Variants in COPG1 observed in about 807,000 individuals in gnomAD.
The protein encoded by COPG1 is coat protein complex I subunit gamma 1.
A neutral mutation model predicts 102.8 loss-of-function variants in COPG1; 29 were observed. The observed-to-expected ratio is 0.28, with a 90% CI of 0.21 to 0.38. The LOEUF is 0.38. Among genes scored for constraint, COPG1 ranks in the 10% least tolerant of loss-of-function variants. The probability of loss-of-function intolerance (pLI) is 1.00; values close to 1 mark genes in which losing one functional copy is unlikely to be tolerated. For synonymous variants in COPG1, 406 were observed against 421.6 expected (o/e 0.96, Z 0.45); for missense variants, 875 against 1,132.7 (o/e 0.77, Z 3.27).
chr3:129,272,237 T>C lies in COPG1; in HGVS notation c.1987-7T>C, dbSNP rs758022773. The C allele has an allele frequency of 5.0e-5, 81 of 1,613,410 alleles. No homozygotes were observed. Among genetic ancestry groups the C allele is most frequent in the Non-Finnish European group, 6.7e-5 (79 of 1,179,460 alleles). Reference sequence around the variant, plus strand: ...AATGTTTAAGCTCCCCTCTCTTTCCTGTTCAGTTTGACTGCACAAACACAC... The same window carrying C: ...AATGTTTAAGCTCCCCTCTCTTTCCCGTTCAGTTTGACTGCACAAACACAC... On this transcript the variant is annotated splice_region_variant and splice_polypyrimidine_tract_variant and intron_variant, in intron 19 of 23. Coordinates refer to ENST00000314797, the MANE Select transcript of COPG1 (RefSeq NM_016128.4).
At chr3:129,273,725 A>G (rs1940221160) in intron 21 of COPG1, among the ~76,000 whole-genome samples, 1 of 152,194 alleles carries the variant, frequency 6.6e-6, no homozygotes, top group African/African-American at 2.4e-5. Flanking sequence ...TTATTTCTTT[A>G]GGATAGATTC....
chr3:129,253,480 A>G (rs1460517727), intron 5 of COPG1, among the ~76,000 whole-genome samples: 2 of 152,168 alleles, frequency 1.3e-5, no homozygotes, highest in Non-Finnish European at 2.9e-5. Flanking sequence ...CTCTGGGGAT[A>G]TAGCAACAAA....
intron 12 of COPG1, among the ~76,000 whole-genome samples, chr3:129,262,490 T>A (rs1939944691): frequency 6.6e-6 from 1 of 152,016 alleles, no homozygotes; most frequent in Non-Finnish European, 1.5e-5. Flanking sequence ...CCTGACCTCA[T>A]GATCAACCCG....
intron 23 of COPG1, among the ~76,000 whole-genome samples, chr3:129,277,043 C>T (rs1329104847): frequency 1.3e-5 from 2 of 151,848 alleles, no homozygotes; most frequent in African/African-American, 2.4e-5. Context: ...AGGCTGGTCT[C>T]GAATTCCTGA....
Position 129,277,424 on chromosome 3 carries a change from A to G in COPG1, c.2625A>G (p.Ter875=). ...PVDIILASVG[*] is the part of the protein sequence containing the mutation. The stretch of plus-strand genomic sequence containing the variant: ...ACATCATCTTGGCATCTGTGGGATA[A>G]GAGGCCAGCCTGCATAGGACCTCAT... The change falls in exon 24 of 24, where the codon TAA becomes TAG. Residue 875 remains the stop codon, a stop_retained_variant. Transcript: ENST00000314797. The G allele has an allele frequency of 6.2e-7, 1 of 1,613,668 alleles. No homozygotes were observed. The highest frequency in any genetic ancestry group is 8.5e-7 in the Non-Finnish European group (1 of 1,179,768).
At chr3:129,273,388 AAAAACAAAATTC>A (rs1940216120) in intron 21 of COPG1, among the ~76,000 whole-genome samples, 1 of 152,270 alleles carries the variant, frequency 6.6e-6, no homozygotes, top group South Asian at 2.1e-4. Flanking sequence ...TGGGAAATAC[AAAAACAAAATTC>A]AAAACAAAGT....
chr3:129,268,248 CATT>C (rs1469847248), intron 16 of COPG1, among the ~76,000 whole-genome samples: 1 of 152,166 alleles, frequency 6.6e-6, no homozygotes, highest in Non-Finnish European at 1.5e-5. Flanking sequence ...AAACGCTCAT[CATT>C]AATAAAAACT....
intron 19 of COPG1, 140 bp downstream of exon 19, chr3:129,272,049 T>C: frequency 9.1e-7 from 1 of 1,097,528 alleles, no homozygotes; most frequent in Non-Finnish European, 1.3e-6. Context: ...CCCCAACAGG[T>C]CGGTCTCTCA....
intron 10 of COPG1, 147 bp downstream of exon 10, chr3:129,258,007 C>A: frequency 2.0e-6 from 2 of 990,600 alleles, no homozygotes; most frequent in Non-Finnish European, 2.9e-6. Context: ...AGACACTATG[C>A]TGAGTCCCCA....
Position 129,277,583 on chromosome 3 carries a change from G to C in COPG1, c.*159G>C. The C allele has an allele frequency of 1.6e-6, 1 of 637,094 alleles. No homozygotes were observed. The highest frequency in any genetic ancestry group is 2.5e-6 in the Non-Finnish European group (1 of 395,624). 39.5% of individuals were successfully genotyped at this position (637,094 alleles called of 1,614,324 possible). On this transcript the variant is annotated 3_prime_UTR_variant, in exon 24 of 24. Transcript: ENST00000314797. ...TTTATTCTGCTCCCACCTCCCACCCGGGACTACTTGCTGGTGACTTTTTTT... is the reference window on the plus strand; with the variant it reads ...TTTATTCTGCTCCCACCTCCCACCCCGGACTACTTGCTGGTGACTTTTTTT...
At chr3:129,263,809 C>G (rs1000966859) in intron 12 of COPG1, 95 bp from the exon 13 acceptor site, 3 of 1,025,792 alleles carry the variant, frequency 2.9e-6, no homozygotes, top group Non-Finnish European at 4.6e-6. Context: ...CAAGGCCTGG[C>G]CTTACCTAAG....
chr3:129,277,306 G>A lies in COPG1; in HGVS notation c.2507G>A (p.Gly836Asp). Residue 836 changes from glycine (G) to aspartate (D), a missense_variant, in exon 24 of 24, where the codon GGT (glycine) becomes GAT (aspartate). Physicochemically the swap from Gly to Asp is moderately conservative, Grantham distance 94 (BLOSUM62 -1). Coordinates refer to ENST00000314797, the MANE Select transcript of COPG1 (RefSeq NM_016128.4). ...TCTTCCCTTCTAGGTGTGTTCCGGG[G>A]TGGTCATGACATCCTGGTGCGCTCC... is the stretch of plus-strand genomic sequence containing the variant. ...HTLLLAGVFR[G>D]GHDILVRSRL... 1.2e-6 allele frequency: 2 copies of A among 1,613,960 alleles called. No individual in the cohort carries two copies. The highest frequency in any genetic ancestry group is 1.7e-6 in the Non-Finnish European group (2 of 1,179,968).
chr3:129,253,639 G>A (rs1939742942), intron 5 of COPG1, among the ~76,000 whole-genome samples: 1 of 152,148 alleles, frequency 6.6e-6, no homozygotes, highest in Admixed American at 6.6e-5. Context: ...TTAGAATTAC[G>A]AAAGTCCTCC....
chr3:129,254,765 C>A lies in COPG1; in HGVS notation c.399+22C>A, dbSNP rs778374543. 127 of 1,606,424 alleles carry A rather than the reference C, an allele frequency of 7.9e-5. 4 individuals carry two copies. The South Asian group carries it at 1.4e-3, about 17-fold the overall frequency. On this transcript the variant is annotated intron_variant, in intron 6 of 23. Coordinates refer to ENST00000314797, the MANE Select transcript of COPG1 (RefSeq NM_016128.4). ...TGATGTGAGTCGTGCCGGTTCCTCC[C>A]TGCTTCCTGGCCTCTTGATTGAGGC...
intron 1 of COPG1, among the ~76,000 whole-genome samples, chr3:129,250,335 G>A (rs1422143649): frequency 6.6e-6 from 1 of 152,166 alleles, no homozygotes; most frequent in East Asian, 1.9e-4. Flanking sequence ...TTGCAAATGT[G>A]TCATCTGCTA....
intron 6 of COPG1, 28 bp from the exon 7 acceptor site, chr3:129,254,957 C>T (rs897491238): frequency 6.3e-7 from 1 of 1,590,924 alleles, no homozygotes; most frequent in Non-Finnish European, 8.6e-7. Context: ...GACTGGATCT[C>T]CTTCCACCCT....
Position 129,271,822 on chromosome 3 carries a change from G to T in COPG1, c.1899G>T (p.Ser633=), listed in dbSNP as rs749015915. ...GTCTTGGGCCCCTCTTCAAGTCCTC[G>T]CCTGAGCCCGTGGCCCTCACCGAGT... is the stretch of plus-strand genomic sequence containing the variant. The part of the protein sequence containing the change: ...FRGLGPLFKS[S]PEPVALTESE... The change falls in exon 19 of 24, where the codon TCG becomes TCT. Residue 633 remains serine (S), a synonymous_variant. Coordinates refer to ENST00000314797, the MANE Select transcript of COPG1 (RefSeq NM_016128.4). The surrounding 1 kb of genome is among the most constrained non-coding windows in gnomAD (Gnocchi z 4.7). 11 of 1,614,060 alleles carry T rather than the reference G, an allele frequency of 6.8e-6. No homozygotes were observed. In the African/African-American group the frequency reaches 1.2e-4, roughly 18 times the overall value.
chr3:129,271,738 G>T lies in COPG1; in HGVS notation c.1844-29G>T, dbSNP rs1560068044. Reference sequence around the variant, plus strand: ...AACAAGTTGGTCTGGGGATCGAGAAGCTGAGTGAATGTGGCCTGTGGATTT... The same window carrying T: ...AACAAGTTGGTCTGGGGATCGAGAATCTGAGTGAATGTGGCCTGTGGATTT... On this transcript the variant is annotated intron_variant, in intron 18 of 23. Coordinates refer to ENST00000314797, the MANE Select transcript of COPG1 (RefSeq NM_016128.4). The surrounding 1 kb of genome is among the most constrained non-coding windows in gnomAD (Gnocchi z 4.7). The T allele has an allele frequency of 8.1e-6, 13 of 1,611,954 alleles. No individual in the cohort carries two copies. The highest frequency in any genetic ancestry group is 1.1e-5 in the Non-Finnish European group (13 of 1,178,846).
intron 3 of COPG1, 128 bp from the exon 4 acceptor site, chr3:129,252,495 C>T: frequency 9.8e-7 from 1 of 1,021,874 alleles, no homozygotes; most frequent in Non-Finnish European, 1.5e-6. Flanking sequence ...TGGGTCCCCT[C>T]AGCATCCAAG....
Sources: gnomAD v4.1 joint callset for allele counts (sites outside exome capture counted in the v4.1 genomes callset) on GRCh38, gnomAD v4.1.1 for gene constraint, Gnocchi (gnomAD v3.1) non-coding constraint, MANE v1.5 for transcripts, NCBI Gene and HGNC (gene_info 2026-07-23, HGNC 2026-07-21) for gene names.